The following NRG3 variants were observed in gnomAD, a reference collection of about 807,000 sequenced individuals.
The protein encoded by NRG3 is neuregulin 3, also known as pro-neuregulin-3, membrane-bound isoform.
Under a neutral mutation model 66.9 loss-of-function variants are expected in NRG3, and 31 were observed. The observed-to-expected ratio is 0.46, with a 90% CI of 0.35 to 0.63. NRG3 has a LOEUF of 0.63. NRG3 is among the 20% of genes least tolerant of loss of function. The pLI is 0.00. For synonymous variants in NRG3, 393 were observed against 359.4 expected (o/e 1.09, Z -1.06); for missense variants, 910 against 878.9 (o/e 1.04, Z -0.45).
intron 3 of NRG3, chr10:82,859,114 T>C (rs944110983): frequency 2.0e-5 from 3 of 152,208 alleles, no homozygotes; most frequent in African/African-American, 7.2e-5. Context: ...GCCCAGCTAA[T>C]TTTTTGTATC....
At chr10:82,448,010 A>G (rs1207975107) in intron 2 of NRG3, among the ~76,000 whole-genome samples, 2 of 152,198 alleles carry the variant, frequency 1.3e-5, no homozygotes, top group Non-Finnish European at 2.9e-5. Context: ...GGAGGGGTAA[A>G]TGAGGGATGG....
At chr10:82,705,129 GA>G (rs370455673) in intron 2 of NRG3, among the ~76,000 whole-genome samples, 2 of 152,184 alleles carry the variant, frequency 1.3e-5, no homozygotes, top group Non-Finnish European at 1.5e-5. Flanking sequence ...TTTACATATG[GA>G]AAAAAACTAT....
chr10:82,629,346 C>T (rs2049650299), intron 2 of NRG3, among the ~76,000 whole-genome samples: 1 of 151,656 alleles, frequency 6.6e-6, no homozygotes, highest in Non-Finnish European at 1.5e-5. Context: ...GGTTGAAGTA[C>T]AAAAAAAGAA....
At chr10:82,353,903 C>T (rs2083595812) in intron 1 of NRG3, among the ~76,000 whole-genome samples, 1 of 151,920 alleles carries the variant, frequency 6.6e-6, no homozygotes, top group Non-Finnish European at 1.5e-5. Flanking sequence ...TTTTTCCCTC[C>T]TTTAATGAAA....
chr10:82,216,586 G>GTGTC, intron 1 of NRG3, among the ~76,000 whole-genome samples: 1 of 139,658 alleles, frequency 7.2e-6, no homozygotes, highest in Non-Finnish European at 1.5e-5. Context: ...GTGTGTGTGT[G>GTGTC]TGTGTGTGTA....
At chr10:82,859,528 C>A (rs2064001447) in intron 3 of NRG3, among the ~76,000 whole-genome samples, 1 of 152,144 alleles carries the variant, frequency 6.6e-6, no homozygotes, top group Admixed American at 6.5e-5. Context: ...TCTGTTGCAG[C>A]CTGCCCACCT....
chr10:82,324,120 T>C (rs72827344), intron 1 of NRG3, among the ~76,000 whole-genome samples: 29,005 of 152,092 alleles, frequency 0.19, 3,018 homozygotes, highest in East Asian at 0.28. Flanking sequence ...CTGCCTCGGC[T>C]TCCCAGGGTG....
intron 3 of NRG3, among the ~76,000 whole-genome samples, chr10:82,810,781 A>G (rs2061461696): frequency 6.6e-6 from 1 of 151,884 alleles, no homozygotes; most frequent in South Asian, 2.1e-4. Flanking sequence ...CAATAGTCCA[A>G]GCCAGTGATG....
intron 1 of NRG3, among the ~76,000 whole-genome samples, chr10:82,219,109 A>G (rs2075819910): frequency 6.6e-6 from 1 of 151,900 alleles, no homozygotes. Context: ...GCTATATCAA[A>G]TAATATTTCA....
At chr10:81,890,372 A>G (rs991133716) in intron 1 of NRG3, among the ~76,000 whole-genome samples, 2 of 152,224 alleles carry the variant, frequency 1.3e-5, no homozygotes, top group African/African-American at 4.8e-5. Flanking sequence ...TACCAGTGGT[A>G]AGAATTTTGT....
chr10:82,815,080 C>T (rs2061649653), intron 3 of NRG3, among the ~76,000 whole-genome samples: 1 of 152,226 alleles, frequency 6.6e-6, no homozygotes, highest in Non-Finnish European at 1.5e-5. Flanking sequence ...CGCCGTCCTC[C>T]TGGTTTAAAG....
intron 1 of NRG3, among the ~76,000 whole-genome samples, chr10:82,043,749 A>G (rs559950024): frequency 1.3e-5 from 2 of 152,132 alleles, no homozygotes; most frequent in South Asian, 4.1e-4. Context: ...AACATAGTTA[A>G]TAGGATCTTG....
At chr10:81,957,721 G>A (rs924006066) in intron 1 of NRG3, among the ~76,000 whole-genome samples, 2 of 152,104 alleles carry the variant, frequency 1.3e-5, no homozygotes, top group African/African-American at 4.8e-5. Flanking sequence ...TTGGGAATTA[G>A]GGTCTTTGGA....
chr10:82,593,847 T>G (rs181276179), intron 2 of NRG3, among the ~76,000 whole-genome samples: 2 of 151,924 alleles, frequency 1.3e-5, no homozygotes, highest in East Asian at 1.9e-4. Flanking sequence ...TATATATGTG[T>G]ATATATATAG....
intron 3 of NRG3, among the ~76,000 whole-genome samples, chr10:82,863,687 C>A (rs779012941): frequency 1.3e-5 from 2 of 152,112 alleles, no homozygotes; most frequent in Non-Finnish European, 2.9e-5. Flanking sequence ...ATCCTTTGCC[C>A]ACTCTTTGAT....
intron 1 of NRG3, among the ~76,000 whole-genome samples, chr10:82,145,570 A>G (rs78000086): frequency 0.017 from 2,655 of 152,298 alleles, 82 homozygotes; most frequent in African/African-American, 0.06. Context: ...TTGATATGTT[A>G]ATCTCTTATC....
At chr10:82,177,109 A>C in intron 1 of NRG3, among the ~76,000 whole-genome samples, 1 of 152,198 alleles carries the variant, frequency 6.6e-6, no homozygotes, top group South Asian at 2.1e-4. Flanking sequence ...AAGATACCTT[A>C]GTGCCTTGAA....
chr10:82,473,675 T>G (rs1255394825), intron 2 of NRG3, among the ~76,000 whole-genome samples: 1 of 152,152 alleles, frequency 6.6e-6, no homozygotes, highest in Non-Finnish European at 1.5e-5. Context: ...ATGAGGGAGT[T>G]GGTGGCCCAG....
intron 1 of NRG3, among the ~76,000 whole-genome samples, chr10:82,123,295 A>C (rs578199888): frequency 1.9e-4 from 29 of 152,274 alleles, no homozygotes; most frequent in Admixed American, 9.2e-4. Context: ...AGAGACACTC[A>C]TTTGACCTCC....
Sources: gnomAD v4.1 joint callset for allele counts (sites outside exome capture counted in the v4.1 genomes callset) on GRCh38, gnomAD v4.1.1 for gene constraint, MANE v1.5 for transcripts, NCBI Gene and HGNC (gene_info 2026-07-23, HGNC 2026-07-21) for gene names.